Variants in SFXN4 observed in about 807,000 individuals in gnomAD.
SFXN4 encodes the protein sideroflexin-4.
SFXN4 carries 48 observed loss-of-function variants against 54.6 expected under a neutral mutation model. The ratio of observed to expected loss-of-function variants is 0.88; its 90% confidence interval spans 0.70 to 1.12. The LOEUF is 1.12. SFXN4 is among the 50% of genes most tolerant of loss of function. The probability of loss-of-function intolerance (pLI) is 0.00; values close to 1 mark genes in which losing one functional copy is unlikely to be tolerated. For missense variants in SFXN4, 383 were observed against 409.2 expected (o/e 0.94, Z 0.55); for synonymous variants, 130 against 145.5 (o/e 0.89, Z 0.77).
intron 2 of SFXN4, among the ~76,000 whole-genome samples, chr10:119,162,824 C>G (rs1847612807): frequency 6.6e-6 from 1 of 152,154 alleles, no homozygotes; most frequent in South Asian, 2.1e-4. Flanking sequence ...GAGACAGGGT[C>G]TCACTCTGTT....
chr10:119,154,541 G>T (rs12762354), intron 11 of SFXN4, among the ~76,000 whole-genome samples: 45,931 of 151,988 alleles, frequency 0.3, 7,655 homozygotes, highest in South Asian at 0.41. Context: ...ATTTCAAAAA[G>T]GAATTGGGGG....
intron 2 of SFXN4, among the ~76,000 whole-genome samples, chr10:119,163,699 G>C (rs769761607): frequency 6.6e-6 from 1 of 151,870 alleles, no homozygotes. Flanking sequence ...CACGGCACAC[G>C]GTCAGATGTA....
At chr10:119,165,167 G>T in intron 1 of SFXN4, 1 of 1,028,256 alleles carries the variant, frequency 9.7e-7, no homozygotes, top group Non-Finnish European at 1.2e-6. Flanking sequence ...GCTTCCCAAA[G>T]CCTCGGGGGT....
At position 119,161,089 on chromosome 10, in the gene SFXN4, G is replaced by A; in HGVS notation, c.253-8C>T. On this transcript the variant is annotated splice_region_variant and splice_polypyrimidine_tract_variant and intron_variant, in intron 3 of 13. Transcript: ENST00000355697. ...CTTCCAAGCTTCTTGTATCTTAAAG[G>A]AGAAAAAAGAATAGCTTTGTTTCAT... The A allele has an allele frequency of 6.2e-7, 1 of 1,613,502 alleles. No homozygotes were observed. Among genetic ancestry groups the A allele is most frequent in the Non-Finnish European group, 8.5e-7 (1 of 1,179,708 alleles).
chr10:119,164,123 ATACT>A lies in SFXN4; in HGVS notation c.177+4_177+7del, dbSNP rs1483006727. On this transcript the variant is annotated splice_donor_5th_base_variant and intron_variant, in intron 2 of 13. Coordinates refer to ENST00000355697, the MANE Select transcript of SFXN4 (RefSeq NM_213649.2). ...GTGAAATTCATTAGCTCTGAAAACA[ATACT>A]TACAACTGAAATGAACACATTTGTA... The A allele has an allele frequency of 1.3e-6, 2 of 1,527,724 alleles. No individual in the cohort carries two copies. Among genetic ancestry groups the A allele is most frequent in the Admixed American group, 1.9e-5 (1 of 53,556 alleles). 94.6% of individuals were successfully genotyped at this position (1,527,724 alleles called of 1,614,324 possible).
intron 11 of SFXN4, among the ~76,000 whole-genome samples, chr10:119,148,847 G>A (rs1275987699): frequency 6.6e-6 from 1 of 152,020 alleles, no homozygotes; most frequent in Non-Finnish European, 1.5e-5. Context: ...GGGAAATTTT[G>A]ACTATAAGAC....
Position 119,141,024 on chromosome 10 carries a change from G to A in SFXN4, c.*218C>T, listed in dbSNP as rs1270577021. 6.5e-6 allele frequency: 3 copies of A among 458,632 alleles called. No individual in the cohort carries two copies. The highest frequency in any genetic ancestry group is 1.2e-5 in the Non-Finnish European group (3 of 256,142). 28.4% of individuals were successfully genotyped at this position (458,632 alleles called of 1,614,324 possible). On this transcript the variant is annotated 3_prime_UTR_variant, in exon 14 of 14. Coordinates refer to ENST00000355697, the MANE Select transcript of SFXN4 (RefSeq NM_213649.2). ...AACCGTTCCCTCAGCAACCCCAGGG[G>A]TGTCAGACGGGGCACCCTCCCACTG...
chr10:119,156,824 A>G, intron 9 of SFXN4, 68 bp from the exon 10 acceptor site: 1 of 1,206,392 alleles, frequency 8.3e-7, no homozygotes. Flanking sequence ...ACTCACTAGC[A>G]GAGAGGTCGC....
In SFXN4 at chr10:119,165,563, C is replaced by T; in HGVS notation, c.85G>A (p.Val29Met). 1.9e-6 allele frequency: 3 copies of T among 1,589,596 alleles called. No individual in the cohort carries two copies. The highest frequency in any genetic ancestry group is 4.9e-5 in the East Asian group (2 of 40,826). ...DAVPAFIEPNVRFWITERQSF... is the reference protein window; with the variant it reads ...DAVPAFIEPNMRFWITERQSF... ...TGGCGCTCGGTGATCCAGAAGCGCA[C>T]GTTGGGCTCAATGAAGGCGGGGACG... Residue 29 changes from valine to methionine, a missense_variant, in exon 1 of 14, where the codon GTG becomes ATG. Physicochemically the swap from Val to Met is conservative, Grantham distance 21 (BLOSUM62 1). Coordinates refer to ENST00000355697, the MANE Select transcript of SFXN4 (RefSeq NM_213649.2).
chr10:119,152,362 C>T lies in SFXN4; in HGVS notation c.732+2700G>A, dbSNP rs973381082. On this transcript the variant is annotated intron_variant, in intron 11 of 13. Coordinates refer to ENST00000355697, the MANE Select transcript of SFXN4 (RefSeq NM_213649.2). ...TGGCACGACTTCGGCTCACTGCAAC[C>T]TCCACCTCTCAGGTTCAGGCAATTC... 2.0e-5 allele frequency among the ~76,000 whole-genome samples: 3 copies of T among 152,070 alleles called. No homozygotes were observed. In the East Asian group the frequency reaches 5.8e-4, roughly 29 times the overall value.
chr10:119,158,087 G>C (rs762712666), intron 6 of SFXN4, 25 bp from the exon 7 acceptor site: 1 of 1,608,856 alleles, frequency 6.2e-7, no homozygotes, highest in Admixed American at 1.7e-5. Flanking sequence ...GTGGAACAGA[G>C]TTACAAGTGT....
At position 119,159,607 on chromosome 10, in the gene SFXN4, C is replaced by T. The variant is rs116703008; in HGVS notation, c.360+121G>A. 281 of 1,041,408 alleles carry T rather than the reference C, an allele frequency of 2.7e-4. No homozygotes were observed. In the African/African-American group the frequency reaches 4.1e-3, roughly 15 times the overall value. The allele number at this position is 1,041,408 out of a possible 1,614,324, so 64.5% of individuals were successfully genotyped here. ...ATGGGTTATCAGTGGGGATCCACAA[C>T]CATCTATCAGGCAGTCATGTGACAG... On this transcript the variant is annotated intron_variant, in intron 6 of 13. Coordinates refer to ENST00000355697, the MANE Select transcript of SFXN4 (RefSeq NM_213649.2).
intron 13 of SFXN4, among the ~76,000 whole-genome samples, chr10:119,145,863 G>T (rs34231826): frequency 1.3e-5 from 2 of 152,036 alleles, no homozygotes; most frequent in African/African-American, 4.8e-5. Context: ...CTCACTCTCA[G>T]CCAGGCTGGA....
intron 13 of SFXN4, among the ~76,000 whole-genome samples, chr10:119,143,022 A>C (rs1021085321): frequency 6.6e-6 from 1 of 151,686 alleles, no homozygotes; most frequent in Non-Finnish European, 1.5e-5. Context: ...ATGAGCCACC[A>C]CGCCCGGCCC....
Position 119,161,099 on chromosome 10 carries a change from A to G in SFXN4, c.253-18T>C. 1 of 1,613,638 alleles carries G rather than the reference A, an allele frequency of 6.2e-7. No homozygotes were observed. Among genetic ancestry groups the G allele is most frequent in the Non-Finnish European group, 8.5e-7 (1 of 1,179,672 alleles). ...TCTTGTATCTTAAAGGAGAAAAAAGAATAGCTTTGTTTCATTTTAAATTTT... is the reference window on the plus strand; with the variant it reads ...TCTTGTATCTTAAAGGAGAAAAAAGGATAGCTTTGTTTCATTTTAAATTTT... On this transcript the variant is annotated intron_variant, in intron 3 of 13. Coordinates refer to ENST00000355697, the MANE Select transcript of SFXN4 (RefSeq NM_213649.2).
rs557401115 is a variant in SFXN4 at position 119,145,001 on chromosome 10, T to C, written c.936+1235A>G. On this transcript the variant is annotated intron_variant, in intron 13 of 13. Coordinates refer to ENST00000355697, the MANE Select transcript of SFXN4 (RefSeq NM_213649.2). The stretch of plus-strand genomic sequence containing the variant: ...TAAGTAATTTTAAAAGATTTCTTTT[T>C]ATGCCCCAGAAAAAAAGGCTTATGA... Among the ~76,000 whole-genome samples, 10 of 152,294 alleles carry C rather than the reference T, an allele frequency of 6.6e-5. 1 individual carries two copies. In the South Asian group the frequency reaches 1.9e-3, roughly 28 times the overall value.
chr10:119,161,397 C>A (rs2133625718), intron 3 of SFXN4, among the ~76,000 whole-genome samples: 1 of 146,714 alleles, frequency 6.8e-6, no homozygotes. Context: ...TAAGCCATCA[C>A]ACCCAGCCTT....
At chr10:119,163,053 T>C (rs909308189) in intron 2 of SFXN4, among the ~76,000 whole-genome samples, 1 of 152,180 alleles carries the variant, frequency 6.6e-6, no homozygotes, top group Non-Finnish European at 1.5e-5. Context: ...CCATCTCAGA[T>C]TCTCAAAGTG....
chr10:119,157,623 A>AATAAAGAAG (rs1389406485), intron 9 of SFXN4, 45 bp downstream of exon 9: 1 of 1,434,080 alleles, frequency 7.0e-7, no homozygotes, highest in Non-Finnish European at 9.6e-7. Flanking sequence ...AACTTCCTGG[A>AATAAAGAAG]TTCTGAGGAA....
Sources: gnomAD v4.1 joint callset for allele counts (sites outside exome capture counted in the v4.1 genomes callset) on GRCh38, gnomAD v4.1.1 for gene constraint, MANE v1.5 for transcripts, NCBI Gene and HGNC (gene_info 2026-07-23, HGNC 2026-07-21) for gene names.